The following FOXN3 variants were observed in gnomAD, a reference collection of about 807,000 sequenced individuals.
FOXN3 encodes the protein forkhead box protein N3.
A neutral mutation model predicts 38.4 loss-of-function variants in FOXN3; 7 were observed. The ratio of observed to expected loss-of-function variants is 0.18; its 90% CI spans 0.10 to 0.34. The LOEUF (loss-of-function observed/expected upper bound fraction) is 0.34. FOXN3 is among the 10% of genes least tolerant of loss of function. The pLI, the probability that FOXN3 is intolerant of heterozygous loss-of-function variation, is 1.00. For synonymous variants in FOXN3, 230 were observed against 242.2 expected, an observed-to-expected ratio of 0.95 and a Z score of 0.47; for missense variants, 456 against 613.4, an observed-to-expected ratio of 0.74 and a Z score of 2.71.
intron 1 of FOXN3, among the ~76,000 whole-genome samples, chr14:89,568,869 C>A (rs2139891272): frequency 6.6e-6 from 1 of 152,284 alleles, no homozygotes; most frequent in Admixed American, 6.5e-5. Context: ...ATGGTTTGGC[C>A]CTTTCTTAGA....
intron 1 of FOXN3, among the ~76,000 whole-genome samples, chr14:89,428,851 G>A (rs1320732021): frequency 1.3e-5 from 2 of 152,232 alleles, no homozygotes; most frequent in African/African-American, 4.8e-5. Context: ...GCATGCCACG[G>A]TGTCCTGGAC....
At chr14:89,365,227 C>T (rs1243608302) in intron 2 of FOXN3, among the ~76,000 whole-genome samples, 2 of 152,182 alleles carry the variant, frequency 1.3e-5, no homozygotes, top group African/African-American at 2.4e-5. Context: ...AGGAAGCACA[C>T]ATCTGCAGTG....
At chr14:89,368,525 G>C (rs764965817) in intron 2 of FOXN3, among the ~76,000 whole-genome samples, 1 of 152,046 alleles carries the variant, frequency 6.6e-6, no homozygotes, top group Non-Finnish European at 1.5e-5. Context: ...CACGCCTGTA[G>C]TCCCAGCTAC....
chr14:89,192,952 C>T (rs1274329559), intron 4 of FOXN3, among the ~76,000 whole-genome samples: 1 of 152,058 alleles, frequency 6.6e-6, no homozygotes, highest in Non-Finnish European at 1.5e-5. Context: ...CACTCACAGC[C>T]CCAGCATTCT....
chr14:89,446,103 A>T (rs190170126), intron 1 of FOXN3, among the ~76,000 whole-genome samples: 1,848 of 147,818 alleles, frequency 0.013, 142 homozygotes, highest in African/African-American at 0.042. Flanking sequence ...AAAAAAAAAA[A>T]AAAAAAAATT....
intron 1 of FOXN3, among the ~76,000 whole-genome samples, chr14:89,443,667 T>A (rs1892433880): frequency 6.6e-6 from 1 of 152,030 alleles, no homozygotes; most frequent in South Asian, 2.1e-4. Flanking sequence ...ATGGACCAAT[T>A]CATCTGAGTA....
At chr14:89,280,347 C>T (rs1886420752) in intron 4 of FOXN3, among the ~76,000 whole-genome samples, 1 of 152,164 alleles carries the variant, frequency 6.6e-6, no homozygotes, top group South Asian at 2.1e-4. Context: ...TCCATGAGCA[C>T]ACCGCCTAGG....
intron 1 of FOXN3, among the ~76,000 whole-genome samples, chr14:89,456,614 T>C (rs10142074): frequency 0.045 from 6,841 of 151,812 alleles, 410 homozygotes; most frequent in African/African-American, 0.14. Flanking sequence ...ATTAGCCAGA[T>C]GTTTGGTGGC....
At chr14:89,505,162 C>T (rs563550532) in intron 1 of FOXN3, among the ~76,000 whole-genome samples, 1 of 152,126 alleles carries the variant, frequency 6.6e-6, no homozygotes, top group Admixed American at 6.5e-5. Context: ...ATGACTGAGG[C>T]AGTTTTAGTT....
intron 1 of FOXN3, among the ~76,000 whole-genome samples, chr14:89,557,410 G>GCAC (rs1566698975): frequency 6.6e-6 from 1 of 152,162 alleles, no homozygotes; most frequent in Non-Finnish European, 1.5e-5. Context: ...ATAAGGTGGT[G>GCAC]AGATGTGCCA....
At chr14:89,538,397 G>C (rs1358793390) in intron 1 of FOXN3, among the ~76,000 whole-genome samples, 1 of 152,186 alleles carries the variant, frequency 6.6e-6, no homozygotes, top group Admixed American at 6.5e-5. Flanking sequence ...TGATATTCCT[G>C]GTCTTGGAGG....
intron 3 of FOXN3, among the ~76,000 whole-genome samples, chr14:89,319,461 A>T (rs990689128): frequency 1.3e-5 from 2 of 152,116 alleles, no homozygotes; most frequent in African/African-American, 4.8e-5. Context: ...AGAGCCTCAG[A>T]GCCTCAGTGC....
At chr14:89,480,569 T>C (rs890354628) in intron 1 of FOXN3, among the ~76,000 whole-genome samples, 4 of 152,050 alleles carry the variant, frequency 2.6e-5, no homozygotes, top group South Asian at 4.1e-4. Flanking sequence ...ATTTTCTCCA[T>C]TGTATTCATT....
At chr14:89,268,282 C>T (rs2139900751) in intron 4 of FOXN3, among the ~76,000 whole-genome samples, 1 of 152,232 alleles carries the variant, frequency 6.6e-6, no homozygotes, top group East Asian at 1.9e-4. Context: ...TACTATGATC[C>T]TACTTTCTTT....
chr14:89,505,022 A>C (rs1893881944), intron 1 of FOXN3, among the ~76,000 whole-genome samples: 1 of 152,312 alleles, frequency 6.6e-6, no homozygotes, highest in Non-Finnish European at 1.5e-5. Context: ...AGCGAAATAC[A>C]GCATACGGTG....
rs1368768842 is a variant in FOXN3 at position 89,413,968 on chromosome 14, A to T, written c.-14-1478T>A. Among the ~76,000 whole-genome samples the T allele has an allele frequency of 5.9e-5, 6 of 102,316 alleles. No individual in the cohort carries two copies. The East Asian group carries it at 1.7e-3, about 28-fold the overall frequency. The allele number at this position is 102,316 out of a possible 152,430, so 67.1% of individuals were successfully genotyped here. A position where few individuals can be genotyped will look rare whatever the true frequency, so the allele number is the denominator to read the frequency against. On this transcript the variant is annotated intron_variant, in intron 1 of 5. Transcript: ENST00000557258. The stretch of plus-strand genomic sequence containing the variant: ...GAAGGGGGAGGAGGAGGAGGGATGG[A>T]GGAGGAGGAGGAGGAGGAGAAGAAG...
chr14:89,543,851 GCATTCTAGTATA>G (rs1474231206), intron 1 of FOXN3, among the ~76,000 whole-genome samples: 1 of 151,894 alleles, frequency 6.6e-6, no homozygotes, highest in African/African-American at 2.4e-5. Context: ...AATCTCTTCT[GCATTCTAGTATA>G]CAACCGATTT....
At chr14:89,335,799 AATTTT>A (rs1566959845) in intron 3 of FOXN3, among the ~76,000 whole-genome samples, 1 of 152,332 alleles carries the variant, frequency 6.6e-6, no homozygotes, top group East Asian at 1.9e-4. Context: ...TAACAACAAT[AATTTT>A]TTTTAAAAAA....
intron 3 of FOXN3, among the ~76,000 whole-genome samples, chr14:89,333,701 G>C (rs1328974414): frequency 3.1e-5 from 4 of 130,996 alleles, no homozygotes; most frequent in African/African-American, 1.2e-4. Flanking sequence ...GCAGTGAGCC[G>C]AGATGGCGCC....
Sources: allele counts gnomAD v4.1 joint callset (sites outside exome capture counted in the v4.1 genomes callset), GRCh38; gene constraint gnomAD v4.1.1; transcripts MANE v1.5; gene names NCBI Gene and HGNC (gene_info 2026-07-23, HGNC 2026-07-21).